The following SMIM9 variants were observed in gnomAD, a reference collection of about 807,000 sequenced individuals.
SMIM9 encodes the protein small integral membrane protein 9.
In SMIM9, 8 loss-of-function variants were observed where a neutral mutation model predicts 7.2. The ratio of observed to expected loss-of-function variants is 1.10; its 90% CI spans 0.65 to 1.99. SMIM9 has a LOEUF of 1.99. Ranked by LOEUF, SMIM9 falls within the 30% of genes most tolerant of loss-of-function variation. The probability of loss-of-function intolerance (pLI) is 0.00; values close to 1 mark genes in which losing one functional copy is unlikely to be tolerated. For synonymous variants in SMIM9, 19 were observed against 26.4 expected (o/e 0.72, Z 0.86); for missense variants, 76 against 69.3 (o/e 1.10, Z -0.34).
In SMIM9 at chrX:154,829,312, G is replaced by A. The variant is rs781972399; in HGVS notation, c.272+223C>T. On this transcript the variant is annotated intron_variant, in intron 4 of 4. Transcript: ENST00000369529. ...AAACACTAGTCATTAAATGTGACCTGTCAGTCACTGGTAACAAATGGAGCA... is the reference window on the plus strand; with the variant it reads ...AAACACTAGTCATTAAATGTGACCTATCAGTCACTGGTAACAAATGGAGCA... Among the ~76,000 whole-genome samples, 8 of 112,336 alleles carry A rather than the reference G, an allele frequency of 7.1e-5. No homozygotes were observed. The South Asian group carries it at 2.2e-3, about 32-fold the overall frequency.
intron 3 of SMIM9, 135 bp downstream of exon 3, chrX:154,830,580 T>C: frequency 3.5e-6 from 3 of 862,824 alleles, no homozygotes; most frequent in Admixed American, 3.7e-5. Flanking sequence ...TTGAACTAAA[T>C]TGAACCAAAC....
chrX:154,830,973 G>A lies in SMIM9; in HGVS notation c.-99-18C>T. 2 of 861,199 alleles carry A rather than the reference G, an allele frequency of 2.3e-6. No individual in the cohort carries two copies. Among genetic ancestry groups the A allele is most frequent in the Non-Finnish European group, 3.2e-6 (2 of 630,974 alleles). The allele number at this position is 861,199 out of a possible 1,213,427, so 71.0% of individuals were successfully genotyped here. A position where few individuals can be genotyped will look rare whatever the true frequency, so the allele number is the denominator to read the frequency against. On this transcript the variant is annotated intron_variant, in intron 2 of 4. Coordinates refer to ENST00000369529, the MANE Select transcript of SMIM9 (RefSeq NM_001162936.4). ...AACTTTGTCTGAAAAGTTAGACAATGATGGTTTAGCTCATATTCCAAAAAT... is the reference window on the plus strand; with the variant it reads ...AACTTTGTCTGAAAAGTTAGACAATAATGGTTTAGCTCATATTCCAAAAAT...
chrX:154,826,087 GA>G (rs1371084417), intron 4 of SMIM9, among the ~76,000 whole-genome samples: 1 of 110,054 alleles, frequency 9.1e-6, no homozygotes, highest in African/African-American at 3.3e-5. Flanking sequence ...AAAAAAAAAA[GA>G]AAAAAGAAAA....
At chrX:154,829,685 T>A in intron 3 of SMIM9, 21 bp from the exon 4 acceptor site, 7 of 1,165,361 alleles carry the variant, frequency 6.0e-6, no homozygotes, top group Non-Finnish European at 8.0e-6. Context: ...AGCATAGACA[T>A]TCATTGAGGA....
rs1234783111 is a variant in SMIM9 at position 154,830,972 on chromosome X, T to C, written c.-99-17A>G. 1 of 862,536 alleles carries C rather than the reference T, an allele frequency of 1.2e-6. No homozygotes were observed. Among genetic ancestry groups the C allele is most frequent in the Non-Finnish European group, 1.6e-6 (1 of 632,952 alleles). The allele number at this position is 862,536 out of a possible 1,213,427, so 71.1% of individuals were successfully genotyped here. A position where few individuals can be genotyped will look rare whatever the true frequency, so the allele number is the denominator to read the frequency against. On this transcript the variant is annotated splice_polypyrimidine_tract_variant and intron_variant, in intron 2 of 4. Transcript: ENST00000369529. ...AAACTTTGTCTGAAAAGTTAGACAA[T>C]GATGGTTTAGCTCATATTCCAAAAA...
intron 4 of SMIM9, 62 bp from the exon 5 acceptor site, chrX:154,823,844 T>C: frequency 9.7e-7 from 1 of 1,034,733 alleles, no homozygotes; most frequent in Admixed American, 3.6e-5. Context: ...TTATATAACC[T>C]TTTCAAAGAT....
intron 1 of SMIM9, among the ~76,000 whole-genome samples, chrX:154,833,017 C>T: frequency 9.0e-6 from 1 of 111,173 alleles, no homozygotes; most frequent in Non-Finnish European, 1.9e-5. Context: ...TAGATGGATC[C>T]AGGACTAAAC....
chrX:154,827,117 A>G (rs782288007), intron 4 of SMIM9, among the ~76,000 whole-genome samples: 5 of 112,498 alleles, frequency 4.4e-5, no homozygotes, highest in Non-Finnish European at 9.4e-5. Context: ...TCAAAGAAGG[A>G]ATTCTTTTTC....
At chrX:154,824,437 C>T (rs1457808529) in intron 4 of SMIM9, among the ~76,000 whole-genome samples, 3 of 108,500 alleles carry the variant, frequency 2.8e-5, no homozygotes, top group Non-Finnish European at 3.9e-5. Context: ...AAAGTTAACA[C>T]CACCGCCAAT....
chrX:154,826,061 A>T (rs1319872946), intron 4 of SMIM9, among the ~76,000 whole-genome samples: 5 of 111,072 alleles, frequency 4.5e-5, no homozygotes, highest in African/African-American at 1.6e-4. Flanking sequence ...CCTAAAACTT[A>T]AAGTATAGTA....
chrX:154,829,541 C>T lies in SMIM9; in HGVS notation c.266G>A (p.Cys89Tyr). The T allele has an allele frequency of 8.6e-7, 1 of 1,167,334 alleles. No homozygotes were observed. Among genetic ancestry groups the T allele is most frequent in the South Asian group, 1.9e-5 (1 of 52,535 alleles). The change falls in exon 4 of 5, where the codon TGC (cysteine) becomes TAC (tyrosine). Residue 89 changes from cysteine to tyrosine, a missense_variant. Physicochemically the swap from Cys to Tyr is radical, Grantham distance 194. Transcript: ENST00000369529. Reference sequence around the variant, plus strand: ...TCTTCCCACAGAAGCTTACGTGAAGCAGCAGAGGATCCCCATTAGTGCTGA... The same window carrying T: ...TCTTCCCACAGAAGCTTACGTGAAGTAGCAGAGGATCCCCATTAGTGCTGA... ...LTSALMGILCCFTILVVDPVH is the reference protein window; with the variant it reads ...LTSALMGILCYFTILVVDPVH
intron 4 of SMIM9, among the ~76,000 whole-genome samples, chrX:154,828,430 A>G (rs1230839257): frequency 9.0e-6 from 1 of 111,391 alleles, no homozygotes; most frequent in Non-Finnish European, 1.9e-5. Flanking sequence ...GTAGGTAGGC[A>G]TGGATTAGGC....
Position 154,830,776 on chromosome X carries a change from A to C in SMIM9, c.81T>G (p.Ser27=). ...TTCCCAAGGCAGACAAAGGCAAAGGAGAGGAAGCTACTGTCTCCAACAAGA... is the reference window on the plus strand; with the variant it reads ...TTCCCAAGGCAGACAAAGGCAAAGGCGAGGAAGCTACTGTCTCCAACAAGA... ...TCLLLETVAS[S]PLPLSALGIQ... is the part of the protein sequence containing the mutation. Residue 27 remains serine, a synonymous_variant, in exon 3 of 5, where the codon TCT becomes TCG. Coordinates refer to ENST00000369529, the MANE Select transcript of SMIM9 (RefSeq NM_001162936.4). The C allele has an allele frequency of 8.6e-7, 1 of 1,167,799 alleles. No homozygotes were observed. Among genetic ancestry groups the C allele is most frequent in the Middle Eastern group, 2.3e-4 (1 of 4,308 alleles).
chrX:154,832,268 A>G (rs139738615), intron 2 of SMIM9, among the ~76,000 whole-genome samples: 90 of 111,405 alleles, frequency 8.1e-4, no homozygotes, highest in African/African-American at 2.8e-3. Context: ...CATAAGGGAA[A>G]TCTGATGGAT....
At chrX:154,831,155 C>T (rs1185526924) in intron 2 of SMIM9, among the ~76,000 whole-genome samples, 200 bp from the exon 3 acceptor site, 1 of 111,392 alleles carries the variant, frequency 9.0e-6, no homozygotes, top group African/African-American at 3.3e-5. Flanking sequence ...CTTCCTACAC[C>T]TGATACCTTT....
Position 154,823,402 on chromosome X carries a change from T to C in SMIM9, c.*353A>G, listed in dbSNP as rs2072404712. The C allele has an allele frequency of 6.5e-6, 1 of 153,774 alleles. No homozygotes were observed. The highest frequency in any genetic ancestry group is 3.0e-4 in the South Asian group (1 of 3,317). The allele number at this position is 153,774 out of a possible 1,213,427, so 12.7% of individuals were successfully genotyped here. On this transcript the variant is annotated 3_prime_UTR_variant, in exon 5 of 5. Coordinates refer to ENST00000369529, the MANE Select transcript of SMIM9 (RefSeq NM_001162936.4). Reference sequence around the variant, plus strand: ...AACTATTGTTTCACAGAACAGACTTTGGAAAACTTGTAATACATATATAGA... The same window carrying C: ...AACTATTGTTTCACAGAACAGACTTCGGAAAACTTGTAATACATATATAGA...
chrX:154,830,739 T>C lies in SMIM9; in HGVS notation c.118A>G (p.Thr40Ala), dbSNP rs1557270511. The change falls in exon 3 of 5, where the codon ACA (threonine) becomes GCA (alanine). Residue 40 changes from threonine to alanine, a missense_variant. Transcript: ENST00000369529. ...CCCCCTGAGCGTGGTTTCGATCCTGTTTTTTCTTGTATTCCCAAGGCAGAC... is the reference window on the plus strand; with the variant it reads ...CCCCCTGAGCGTGGTTTCGATCCTGCTTTTTCTTGTATTCCCAAGGCAGAC... ...PLSALGIQEK[T>A]GSKPRSGGNH... is the part of the protein sequence containing the mutation. 8.6e-7 allele frequency: 1 copy of C among 1,167,542 alleles called. No homozygotes were observed. The highest frequency in any genetic ancestry group is 1.1e-6 in the Non-Finnish European group (1 of 872,807).
chrX:154,825,246 G>A (rs1481536620), intron 4 of SMIM9, among the ~76,000 whole-genome samples: 2 of 111,010 alleles, frequency 1.8e-5, no homozygotes, highest in African/African-American at 6.6e-5. Context: ...AAATCAGCTG[G>A]CTGGGCGTGG....
intron 3 of SMIM9, 164 bp downstream of exon 3, chrX:154,830,551 G>T: frequency 3.4e-6 from 2 of 580,863 alleles, no homozygotes; most frequent in Non-Finnish European, 5.3e-6. Context: ...TTGGTACGTA[G>T]TAGGTAGGTT....
Sources: gnomAD v4.1 joint callset for allele counts (sites outside exome capture counted in the v4.1 genomes callset) on GRCh38, gnomAD v4.1.1 for gene constraint, MANE v1.5 for transcripts, NCBI Gene and HGNC (gene_info 2026-07-23, HGNC 2026-07-21) for gene names.